HECW2: variants seen among roughly 807,000 people sequenced by gnomAD.
HECW2 encodes HECT, C2 and WW domain containing E3 ubiquitin protein ligase 2, also known as E3 ubiquitin-protein ligase HECW2.
Under a neutral mutation model 175.2 loss-of-function variants are expected in HECW2, and 61 were observed. The ratio of observed to expected loss-of-function variants is 0.35; its 90% confidence interval spans 0.28 to 0.43. The LOEUF is 0.43. Ranked by LOEUF, HECW2 falls within the 20% of genes least tolerant of loss-of-function variation. The probability of loss-of-function intolerance (pLI) is 1.00; values close to 1 mark genes in which losing one functional copy is unlikely to be tolerated. For synonymous variants in HECW2, 671 were observed against 731.0 expected (o/e 0.92, Z 1.32); for missense variants, 1,524 against 2,000.5 (o/e 0.76, Z 4.54).
intron 2 of HECW2, among the ~76,000 whole-genome samples, chr2:196,401,538 A>G (rs976011556): frequency 6.6e-6 from 1 of 152,146 alleles, no homozygotes; most frequent in African/African-American, 2.4e-5. Context: ...TTTAAATAGA[A>G]TTTTTCTTTA....
intron 2 of HECW2, among the ~76,000 whole-genome samples, chr2:196,413,594 C>G (rs1380718695): frequency 6.6e-6 from 1 of 152,186 alleles, no homozygotes; most frequent in African/African-American, 2.4e-5. Flanking sequence ...ATACACCCGC[C>G]TTGGCCTCCC....
intron 13 of HECW2, among the ~76,000 whole-genome samples, chr2:196,296,898 T>C (rs1690836272): frequency 2.0e-5 from 3 of 152,204 alleles, no homozygotes; most frequent in Non-Finnish European, 4.4e-5. Flanking sequence ...TAAGAGAAAA[T>C]ATTTTCCTTT....
chr2:196,217,375 T>C lies in HECW2; in HGVS notation c.4409-282A>G, dbSNP rs1660616488. The stretch of plus-strand genomic sequence containing the variant: ...AACAACAAATGAGTTATTTTAACCA[T>C]ATCATTTCTGTAAAATACAACAGTT... On this transcript the variant is annotated intron_variant, in intron 26 of 28. Transcript: ENST00000644978. 2.3e-5 allele frequency: 7 copies of C among 307,244 alleles called. No individual in the cohort carries two copies. In the South Asian group the frequency reaches 4.7e-4, roughly 21 times the overall value. The allele number at this position is 307,244 out of a possible 1,614,324, so 19.0% of individuals were successfully genotyped here.
intron 15 of HECW2, among the ~76,000 whole-genome samples, chr2:196,277,148 T>C (rs1013435929): frequency 1.3e-5 from 2 of 152,208 alleles, no homozygotes; most frequent in South Asian, 2.1e-4. Flanking sequence ...CTTTTATATA[T>C]TGAAGCTGCA....
At chr2:196,353,451 T>G (rs1693244457) in intron 2 of HECW2, among the ~76,000 whole-genome samples, 1 of 152,174 alleles carries the variant, frequency 6.6e-6, no homozygotes, top group South Asian at 2.1e-4. Context: ...GAATGTAAAC[T>G]CCAAGAGGTC....
intron 1 of HECW2, among the ~76,000 whole-genome samples, chr2:196,494,678 T>C (rs1325558655): frequency 6.6e-6 from 1 of 152,220 alleles, no homozygotes; most frequent in Non-Finnish European, 1.5e-5. Flanking sequence ...AAACTGAATA[T>C]ATGAAATCCA....
intron 1 of HECW2, among the ~76,000 whole-genome samples, chr2:196,495,028 T>C (rs1687341049): frequency 1.3e-5 from 2 of 152,154 alleles, no homozygotes; most frequent in South Asian, 4.1e-4. Flanking sequence ...CCAGGCACCT[T>C]GTATGTGATC....
rs542364740 is a variant in HECW2 at position 196,518,486 on chromosome 2, T to C, written c.-36+75022A>G. 5.3e-5 allele frequency among the ~76,000 whole-genome samples: 8 copies of C among 151,700 alleles called. No homozygotes were observed. In the South Asian group the frequency reaches 1.5e-3, roughly 28 times the overall value. Reference sequence around the variant, plus strand: ...GCCTGGTCAACATCATGAAACCCCATCTCTATTAAAAATACAAAAATTAGC... The same window carrying C: ...GCCTGGTCAACATCATGAAACCCCACCTCTATTAAAAATACAAAAATTAGC... On this transcript the variant is annotated intron_variant, in intron 1 of 28. Transcript: ENST00000644978.
intron 11 of HECW2, 29 bp downstream of exon 11, chr2:196,307,906 A>AAC: frequency 6.8e-7 from 1 of 1,480,086 alleles, no homozygotes; most frequent in Non-Finnish European, 9.1e-7. Flanking sequence ...CACAAAATAC[A>AAC]ACAGTCACAG....
intron 2 of HECW2, among the ~76,000 whole-genome samples, chr2:196,353,194 C>G (rs1431043436): frequency 6.6e-6 from 1 of 152,174 alleles, no homozygotes; most frequent in Admixed American, 6.5e-5. Flanking sequence ...CTCTGGCCAT[C>G]CCATTCACCT....
chr2:196,468,817 G>A (rs1697067432), intron 1 of HECW2, among the ~76,000 whole-genome samples: 1 of 152,154 alleles, frequency 6.6e-6, no homozygotes. Flanking sequence ...ATACATATAT[G>A]GGTTACCTAA....
intron 3 of HECW2, among the ~76,000 whole-genome samples, chr2:196,337,665 T>C (rs965797626): frequency 1.3e-5 from 2 of 151,950 alleles, no homozygotes; most frequent in African/African-American, 4.8e-5. Flanking sequence ...ATGTTATATA[T>C]CTATCTACCT....
chr2:196,214,845 G>A (rs1687414946), intron 28 of HECW2, among the ~76,000 whole-genome samples: 1 of 152,116 alleles, frequency 6.6e-6, no homozygotes, highest in Admixed American at 6.5e-5. Context: ...TCAGTTGCTT[G>A]TACTTAAAGA....
At chr2:196,220,238 G>A (rs1687617378) in intron 25 of HECW2, 85 bp from the exon 26 acceptor site, 3 of 844,330 alleles carry the variant, frequency 3.6e-6, no homozygotes, top group South Asian at 1.4e-5. Flanking sequence ...GGGGACACAT[G>A]GAGTTTCAGG....
intron 28 of HECW2, among the ~76,000 whole-genome samples, chr2:196,209,802 C>T (rs1392527407): frequency 1.3e-5 from 2 of 148,528 alleles, no homozygotes; most frequent in African/African-American, 2.5e-5. Context: ...CTGGCTCTGT[C>T]GCCCAGGCTG....
intron 13 of HECW2, among the ~76,000 whole-genome samples, chr2:196,299,798 G>A (rs1299460581): frequency 1.3e-5 from 2 of 151,962 alleles, no homozygotes; most frequent in African/African-American, 4.8e-5. Flanking sequence ...GCGTGGTGGC[G>A]GGCATCTTTG....
Position 196,350,694 on chromosome 2 carries a change from A to AAGG in HECW2, c.293-6931_293-6930insCCT, listed in dbSNP as rs879642273. 7.7e-3 allele frequency among the ~76,000 whole-genome samples: 1,177 copies of AAGG among 152,198 alleles called. 38 individuals carry two copies. Among genetic ancestry groups the AAGG allele is most frequent in the African/African-American group, 0.027 (1,116 of 41,472 alleles). On this transcript the variant is annotated intron_variant, in intron 2 of 28. Transcript: ENST00000644978. ...ACCATAAGCATCTATTTCCTGCCATAAGCAGCTGACGGGATAAGGGGGGAT... is the reference window on the plus strand; with the variant it reads ...ACCATAAGCATCTATTTCCTGCCATAAGGAGCAGCTGACGGGATAAGGGGGGAT...
intron 14 of HECW2, chr2:196,288,063 A>G (rs915222595): frequency 2.6e-5 from 4 of 151,492 alleles, no homozygotes; most frequent in African/African-American, 9.7e-5. Context: ...GGTTTGTTAC[A>G]TATGTGTACA....
rs191215657 is a variant in HECW2 at position 196,581,611 on chromosome 2, A to T, written c.-36+11897T>A. On this transcript the variant is annotated intron_variant, in intron 1 of 28. Coordinates refer to ENST00000644978, the MANE Select transcript of HECW2 (RefSeq NM_001348768.2). ...AACATTGTGAATTTTACGGTATGTG[A>T]ATTATACCTCAATAAAGCTGTTTTT... is the stretch of plus-strand genomic sequence containing the variant. Among the ~76,000 whole-genome samples, 10 of 152,316 alleles carry T rather than the reference A, an allele frequency of 6.6e-5. No homozygotes were observed. The East Asian group carries it at 1.9e-3, about 29-fold the overall frequency.
Sources: gnomAD v4.1 joint callset for allele counts (sites outside exome capture counted in the v4.1 genomes callset) on GRCh38, gnomAD v4.1.1 for gene constraint, MANE v1.5 for transcripts, NCBI Gene and HGNC (gene_info 2026-07-23, HGNC 2026-07-21) for gene names.